Variants in ROBO2 observed in about 807,000 individuals in gnomAD.
The protein encoded by ROBO2 is roundabout guidance receptor 2.
A neutral mutation model predicts 160.8 loss-of-function variants in ROBO2; 53 were observed. That is an observed-to-expected ratio of 0.33 (90% CI 0.26 to 0.41). The LOEUF (loss-of-function observed/expected upper bound fraction) is 0.41, where lower values mean the gene tolerates loss of function less well. Among genes scored for constraint, ROBO2 ranks in the 10% least tolerant of loss-of-function variants. ROBO2 has a pLI of 1.00. For synonymous variants in ROBO2, 664 were observed against 611.7 expected (o/e 1.09, Z -1.26); for missense variants, 1,577 against 1,722.4 (o/e 0.92, Z 1.49).
At chr3:77,125,425 A>G (rs1268075756) in intron 2 of ROBO2, among the ~76,000 whole-genome samples, 1 of 152,204 alleles carries the variant, frequency 6.6e-6, no homozygotes, top group Non-Finnish European at 1.5e-5. Flanking sequence ...CATTTCATTC[A>G]GATGTGGTGC....
chr3:75,915,402 T>C (rs1946769052), intron 1 of ROBO2, among the ~76,000 whole-genome samples: 1 of 152,186 alleles, frequency 6.6e-6, no homozygotes, highest in African/African-American at 2.4e-5. Context: ...GAGTCTGTTG[T>C]TGTTAGTTGT....
At chr3:77,524,794 T>TG (rs2090969869) in intron 6 of ROBO2, among the ~76,000 whole-genome samples, 1 of 151,258 alleles carries the variant, frequency 6.6e-6, no homozygotes, top group South Asian at 2.1e-4. Flanking sequence ...AATAGTTTTT[T>TG]TTTTCTTAAA....
At chr3:76,412,605 C>A (rs898544442) in intron 2 of ROBO2, among the ~76,000 whole-genome samples, 2 of 152,158 alleles carry the variant, frequency 1.3e-5, no homozygotes, top group Non-Finnish European at 2.9e-5. Flanking sequence ...AAGGACCATG[C>A]AAGTCCAAAA....
chr3:77,593,875 T>C (rs1053602144), intron 17 of ROBO2, among the ~76,000 whole-genome samples: 11 of 152,158 alleles, frequency 7.2e-5, no homozygotes, highest in African/African-American at 2.7e-4. Context: ...AAATTTCATT[T>C]ATTTTCACCT....
intron 19 of ROBO2, among the ~76,000 whole-genome samples, chr3:77,598,896 T>C (rs928350871): frequency 6.6e-6 from 1 of 152,220 alleles, no homozygotes; most frequent in African/African-American, 2.4e-5. Flanking sequence ...CTTGTATTTT[T>C]ATTGAAATAA....
Position 76,535,620 on chromosome 3 carries a change from G to A in ROBO2, c.110-562394G>A, listed in dbSNP as rs547657499. Reference sequence around the variant, plus strand: ...GCAGATAATTTGTTTAAAATGTCTCGGCCTAATGAGGGAACTGGGCAGGTG... The same window carrying A: ...GCAGATAATTTGTTTAAAATGTCTCAGCCTAATGAGGGAACTGGGCAGGTG... On this transcript the variant is annotated intron_variant, in intron 2 of 26. Coordinates refer to the ROBO2 transcript ENST00000487694. Among the ~76,000 whole-genome samples the A allele has an allele frequency of 2.4e-4, 36 of 152,156 alleles. No individual in the cohort carries two copies. The East Asian group carries it at 3.5e-3, about 15-fold the overall frequency.
chr3:76,034,353 G>A (rs949395834), intron 2 of ROBO2, among the ~76,000 whole-genome samples: 1 of 152,126 alleles, frequency 6.6e-6, no homozygotes, highest in African/African-American at 2.4e-5. Context: ...TAGCTTAGCT[G>A]GTTAATTCAG....
At chr3:76,593,357 T>TA (rs1267688607) in intron 2 of ROBO2, among the ~76,000 whole-genome samples, 1 of 152,010 alleles carries the variant, frequency 6.6e-6, no homozygotes, top group African/African-American at 2.4e-5. Context: ...CAAGCATGCC[T>TA]AAAAAATGAG....
At chr3:76,322,164 GTA>G (rs200388202) in intron 2 of ROBO2, among the ~76,000 whole-genome samples, 1,996 of 107,798 alleles carry the variant, frequency 0.019, 21 homozygotes, top group African/African-American at 0.034. Flanking sequence ...TACTTCTTCC[GTA>G]TATATATATA....
chr3:76,754,246 G>A (rs186473221), intron 2 of ROBO2, among the ~76,000 whole-genome samples: 3 of 151,974 alleles, frequency 2.0e-5, no homozygotes, highest in Admixed American at 6.6e-5. Flanking sequence ...TCTCTAGGCC[G>A]TTAGAGAAAT....
At chr3:76,237,798 G>A (rs1401731444) in intron 2 of ROBO2, among the ~76,000 whole-genome samples, 3 of 152,210 alleles carry the variant, frequency 2.0e-5, no homozygotes, top group Non-Finnish European at 4.4e-5. Context: ...CTTTGGTAGA[G>A]TATGAGATTG....
At chr3:76,942,417 T>G (rs1379229034) in intron 2 of ROBO2, among the ~76,000 whole-genome samples, 1 of 152,238 alleles carries the variant, frequency 6.6e-6, no homozygotes. Flanking sequence ...GGTTTTCTCT[T>G]AAAATAAATT....
At chr3:76,444,240 A>T (rs1158219649) in intron 2 of ROBO2, among the ~76,000 whole-genome samples, 2 of 152,152 alleles carry the variant, frequency 1.3e-5, no homozygotes, top group African/African-American at 4.8e-5. Context: ...GGCCTCCAAA[A>T]GTGCTGGGAT....
chr3:76,790,521 G>A (rs916818104), intron 2 of ROBO2, among the ~76,000 whole-genome samples: 1 of 151,616 alleles, frequency 6.6e-6, no homozygotes, highest in African/African-American at 2.4e-5. Flanking sequence ...AATCAAAAAT[G>A]TATTTAATAC....
At chr3:76,950,491 T>A (rs1357926502) in intron 2 of ROBO2, among the ~76,000 whole-genome samples, 1 of 152,214 alleles carries the variant, frequency 6.6e-6, no homozygotes, top group Non-Finnish European at 1.5e-5. Context: ...TCCAGTCAAT[T>A]ATATATTTTA....
At chr3:77,524,646 T>C (rs2090955067) in intron 6 of ROBO2, among the ~76,000 whole-genome samples, 1 of 151,364 alleles carries the variant, frequency 6.6e-6, no homozygotes, top group Admixed American at 6.6e-5. Flanking sequence ...TCTGTTTGCT[T>C]TAAGACCTTT....
At chr3:76,377,331 G>A (rs934940646) in intron 2 of ROBO2, among the ~76,000 whole-genome samples, 4 of 152,072 alleles carry the variant, frequency 2.6e-5, no homozygotes, top group African/African-American at 9.7e-5. Context: ...AGTGATTTAA[G>A]GCATATTTAG....
intron 2 of ROBO2, among the ~76,000 whole-genome samples, chr3:76,633,159 G>C (rs1269400546): frequency 6.6e-6 from 1 of 152,038 alleles, no homozygotes; most frequent in Non-Finnish European, 1.5e-5. Flanking sequence ...GTCAATACCA[G>C]GTACTGCTTT....
chr3:76,882,804 A>T (rs971401789), intron 2 of ROBO2, among the ~76,000 whole-genome samples: 1 of 152,196 alleles, frequency 6.6e-6, no homozygotes, highest in African/African-American at 2.4e-5. Flanking sequence ...GGAAACTAAA[A>T]TTTTATTACA....
Sources: allele counts gnomAD v4.1 joint callset (sites outside exome capture counted in the v4.1 genomes callset), GRCh38; gene constraint gnomAD v4.1.1; transcripts MANE v1.5; gene names NCBI Gene and HGNC (gene_info 2026-07-23, HGNC 2026-07-21).